Variants in SOCS7 observed in about 807,000 individuals in gnomAD.
SOCS7 encodes the protein NAP-4.
Under a neutral mutation model 58.9 loss-of-function variants are expected in SOCS7, and 18 were observed. That is an observed-to-expected ratio of 0.31 (90% confidence interval 0.21 to 0.45). The LOEUF (loss-of-function observed/expected upper bound fraction) is 0.45. Ranked by LOEUF, SOCS7 falls within the 20% of genes least tolerant of loss-of-function variation. The pLI is 1.00. For synonymous variants in SOCS7, 388 were observed against 364.3 expected (o/e 1.06, Z -0.74); for missense variants, 667 against 837.3 (o/e 0.80, Z 2.51).
Position 38,382,646 on chromosome 17 carries a change from G to A in SOCS7, c.1681+4804G>A, listed in dbSNP as rs1316637727. 5.3e-5 allele frequency among the ~76,000 whole-genome samples: 8 copies of A among 151,752 alleles called. No individual in the cohort carries two copies. The Middle Eastern group carries it at 0.01, about 194-fold the overall frequency. On this transcript the variant is annotated intron_variant, in intron 7 of 9. Coordinates refer to ENST00000612932, the MANE Select transcript of SOCS7 (RefSeq NM_014598.4). ...TGGGATTACAGGCGCCCGCCACCAC[G>A]CCCAGCTAATTTTTGTATTTTTAGT...
intron 6 of SOCS7, among the ~76,000 whole-genome samples, chr17:38,370,473 G>A (rs935917959): frequency 2.0e-5 from 3 of 151,654 alleles, no homozygotes; most frequent in African/African-American, 4.8e-5. Flanking sequence ...GCTAGTAGGT[G>A]GGACTAGTGT....
chr17:38,389,764 T>C (rs573068266), intron 7 of SOCS7, among the ~76,000 whole-genome samples: 3 of 143,318 alleles, frequency 2.1e-5, no homozygotes, highest in African/African-American at 7.7e-5. Flanking sequence ...AATGCCTATA[T>C]TTTCTTCTAG....
intron 7 of SOCS7, among the ~76,000 whole-genome samples, chr17:38,381,241 T>C (rs1385910939): frequency 6.6e-6 from 1 of 152,148 alleles, no homozygotes; most frequent in African/African-American, 2.4e-5. Context: ...CTAAGTGACC[T>C]CTCTTTGAAG....
intron 4 of SOCS7, chr17:38,366,067 G>A: frequency 6.2e-6 from 8 of 1,282,042 alleles, no homozygotes; most frequent in Non-Finnish European, 7.0e-6. Flanking sequence ...CTTTCTTGGG[G>A]TCAAGTGCCC....
At chr17:38,389,902 C>CATAT (rs1316838528) in intron 7 of SOCS7, among the ~76,000 whole-genome samples, 1 of 64,682 alleles carries the variant, frequency 1.5e-5, no homozygotes, top group African/African-American at 9.1e-5. Flanking sequence ...TATATATACA[C>CATAT]ATATAGAGAG....
chr17:38,389,863 G>GTGTATATATATATATA, intron 7 of SOCS7, among the ~76,000 whole-genome samples: 27 of 22,330 alleles, frequency 1.2e-3, no homozygotes, highest in South Asian at 2.9e-3. Flanking sequence ...GTGTGTATGT[G>GTGTATATATATATATA]TGTACATATA....
At chr17:38,356,584 C>T (rs1194598105) in intron 1 of SOCS7, among the ~76,000 whole-genome samples, 1 of 152,028 alleles carries the variant, frequency 6.6e-6, no homozygotes, top group African/African-American at 2.4e-5. Flanking sequence ...AGGCTGGTCT[C>T]GAACTCCTGA....
rs573300595 is a variant in SOCS7, at chr17:38,403,882, T to C, written c.*4400T>C. 7.9e-5 allele frequency: 12 copies of C among 152,270 alleles called. No homozygotes were observed. Among genetic ancestry groups the C allele is most frequent in the African/African-American group, 2.9e-4 (12 of 41,560 alleles). The allele number at this position is 152,270 out of a possible 1,614,324, so 9.4% of individuals were successfully genotyped here. On this transcript the variant is annotated 3_prime_UTR_variant, in exon 10 of 10. Transcript: ENST00000612932. ...CACTGAATTTGTGCTATTGCATACA[T>C]GTAGCCATCTTTCTTTTCACTGCAG...
intron 2 of SOCS7, among the ~76,000 whole-genome samples, chr17:38,364,345 A>G (rs2037758786): frequency 6.6e-6 from 1 of 152,136 alleles, no homozygotes; most frequent in Non-Finnish European, 1.5e-5. Flanking sequence ...CTTGCTTTCC[A>G]TGTCTGTTTG....
chr17:38,371,331 G>A lies in SOCS7; in HGVS notation c.1552+3281G>A, dbSNP rs928926070. 4.0e-5 allele frequency among the ~76,000 whole-genome samples: 6 copies of A among 151,234 alleles called. No homozygotes were observed. The East Asian group carries it at 1.2e-3, about 30-fold the overall frequency. ...GCTTTGTTGCCCAGGCTGGAGTGCA[G>A]TGGCGCGATCTCAGCTCACTGCAAG... On this transcript the variant is annotated intron_variant, in intron 6 of 9. Transcript: ENST00000612932.
At chr17:38,356,596 C>T (rs1555566832) in intron 1 of SOCS7, among the ~76,000 whole-genome samples, 1 of 151,966 alleles carries the variant, frequency 6.6e-6, no homozygotes, top group Non-Finnish European at 1.5e-5. Flanking sequence ...AACTCCTGAG[C>T]TCAGGCAGTC....
In SOCS7 at chr17:38,389,900, C is replaced by CATATATATATGT. The variant is rs1263290062; in HGVS notation, c.1682-5408_1682-5407insTATATATATGTA. Among the ~76,000 whole-genome samples the CATATATATATGT allele has an allele frequency of 9.8e-3, 197 of 20,044 alleles. 2 individuals carry two copies. Among genetic ancestry groups the CATATATATATGT allele is most frequent in the South Asian group, 0.039 (12 of 308 alleles). 13.1% of individuals were successfully genotyped at this position (20,044 alleles called of 152,430 possible). ...ATATATATGTACATATATATATATA[C>CATATATATATGT]ACATATAGAGAGAGAGAGAGAGAGA... On this transcript the variant is annotated intron_variant, in intron 7 of 9. Coordinates refer to ENST00000612932, the MANE Select transcript of SOCS7 (RefSeq NM_014598.4).
At chr17:38,361,488 A>G (rs920622062) in intron 1 of SOCS7, among the ~76,000 whole-genome samples, 7 of 152,166 alleles carry the variant, frequency 4.6e-5, no homozygotes, top group African/African-American at 1.4e-4. Context: ...GGGATTTCTC[A>G]TTGCTTTGTA....
At chr17:38,381,906 G>A (rs1478770509) in intron 7 of SOCS7, among the ~76,000 whole-genome samples, 4 of 132,132 alleles carry the variant, frequency 3.0e-5, no homozygotes, top group African/African-American at 5.8e-5. Context: ...GGAGATTGCA[G>A]TGAGCCAAGT....
At chr17:38,362,156 G>A (rs2037728802) in intron 2 of SOCS7, among the ~76,000 whole-genome samples, 1 of 152,166 alleles carries the variant, frequency 6.6e-6, no homozygotes, top group Non-Finnish European at 1.5e-5. Flanking sequence ...GAGTTCATGG[G>A]TTATCTCATA....
At chr17:38,390,372 A>C (rs12942183) in intron 7 of SOCS7, among the ~76,000 whole-genome samples, 23,430 of 151,880 alleles carry the variant, frequency 0.15, 2,214 homozygotes, top group South Asian at 0.27. Flanking sequence ...GTTGTTTTTC[A>C]AGTTGGTTTT....
intron 2 of SOCS7, 125 bp downstream of exon 2, chr17:38,361,900 A>G (rs1353691425): frequency 1.7e-5 from 12 of 690,162 alleles, no homozygotes; most frequent in Non-Finnish European, 3.0e-5. Context: ...CCTTCATTCC[A>G]TGCTTAGTGG....
intron 6 of SOCS7, among the ~76,000 whole-genome samples, chr17:38,372,302 A>T (rs2144349443): frequency 6.6e-6 from 1 of 152,360 alleles, no homozygotes. Context: ...ATAAAAAGTT[A>T]AAACTTTATC....
At chr17:38,367,768 T>C (rs1382262015) in intron 5 of SOCS7, 114 bp from the exon 6 acceptor site, 3 of 907,704 alleles carry the variant, frequency 3.3e-6, no homozygotes, top group Admixed American at 2.6e-5. Flanking sequence ...CTTTTACCTA[T>C]TGAAATATTT....
Sources: gnomAD v4.1 joint callset for allele counts (sites outside exome capture counted in the v4.1 genomes callset) on GRCh38, gnomAD v4.1.1 for gene constraint, MANE v1.5 for transcripts, NCBI Gene and HGNC (gene_info 2026-07-23, HGNC 2026-07-21) for gene names.